EYS: variants seen among roughly 807,000 people sequenced by gnomAD.
EYS encodes protein eyes shut homolog.
In EYS, 250 loss-of-function variants were observed where a neutral mutation model predicts 282.1. That is an observed-to-expected ratio of 0.89 (90% CI 0.80 to 0.98). The LOEUF (loss-of-function observed/expected upper bound fraction) is 0.98, where lower values mean the gene tolerates loss of function less well. Among genes scored for constraint, EYS ranks in the 50% least tolerant of loss-of-function variants. EYS has a pLI of 0.00. For synonymous variants in EYS, 1,355 were observed against 1,282.9 expected, an observed-to-expected ratio of 1.06 and a Z score of -1.20; for missense variants, 4,016 against 3,709.0, an observed-to-expected ratio of 1.08 and a Z score of -2.15.
chr6:64,887,843 T>G (rs1421220991), intron 18 of EYS, among the ~76,000 whole-genome samples: 1 of 152,076 alleles, frequency 6.6e-6, no homozygotes, highest in Non-Finnish European at 1.5e-5. Context: ...AGACAGGTCC[T>G]GTTAAAGCAT....
chr6:63,954,823 A>G (rs1765745019), intron 35 of EYS, among the ~76,000 whole-genome samples: 1 of 151,966 alleles, frequency 6.6e-6, no homozygotes, highest in Admixed American at 6.6e-5. Context: ...TTCTGTTGTC[A>G]TTTCATAACC....
chr6:65,547,105 T>G (rs1195336573), intron 2 of EYS, among the ~76,000 whole-genome samples: 1 of 151,654 alleles, frequency 6.6e-6, no homozygotes, highest in African/African-American at 2.4e-5. Flanking sequence ...TCTGACAAAT[T>G]TTGCTGACTG....
intron 31 of EYS, among the ~76,000 whole-genome samples, chr6:64,198,053 C>A (rs887932611): frequency 6.6e-6 from 1 of 151,748 alleles, no homozygotes; most frequent in Admixed American, 6.6e-5. Flanking sequence ...AGTGCAGTGG[C>A]GTGATCTCGG....
intron 35 of EYS, among the ~76,000 whole-genome samples, chr6:63,936,761 A>G (rs1765070663): frequency 6.6e-6 from 1 of 152,238 alleles, no homozygotes; most frequent in Non-Finnish European, 1.5e-5. Context: ...ACAATCTACA[A>G]AAATATTCCT....
intron 22 of EYS, among the ~76,000 whole-genome samples, chr6:64,796,857 A>G (rs990462759): frequency 6.6e-6 from 1 of 152,160 alleles, no homozygotes; most frequent in African/African-American, 2.4e-5. Flanking sequence ...AAAACATATT[A>G]CTGAAGTTCA....
At position 64,590,616 on chromosome 6, in the gene EYS, G is replaced by C. The variant is rs1766374212; in HGVS notation, c.5251C>G (p.Gln1751Glu). Residue 1751 changes from glutamine to glutamate, a missense_variant, in exon 26 of 43, where the codon CAA becomes GAA. Gln to Glu is a conservative substitution (Grantham distance 29). Transcript: ENST00000503581. Reference sequence around the variant, plus strand: ...TTTAAAGTAACATCCGGATAAATTTGTAAGTTTAACTCAAAATCCAGAGAA... The same window carrying C: ...TTTAAAGTAACATCCGGATAAATTTCTAAGTTTAACTCAAAATCCAGAGAA... Reference protein sequence around the residue: ...DSSLDFELNLQIYPDVTLKTY... With the variant: ...DSSLDFELNLEIYPDVTLKTY... The C allele has an allele frequency of 1.3e-6, 2 of 1,551,256 alleles. No individual in the cohort carries two copies. The highest frequency in any genetic ancestry group is 1.4e-5 in the African/African-American group (1 of 73,130).
chr6:65,702,546 G>T (rs1769714757), intron 1 of EYS, among the ~76,000 whole-genome samples: 1 of 152,064 alleles, frequency 6.6e-6, no homozygotes, highest in South Asian at 2.1e-4. Context: ...ACAAAAATTA[G>T]CCAGGCGTGG....
chr6:65,685,499 T>G (rs2149840583), intron 1 of EYS, among the ~76,000 whole-genome samples: 1 of 152,178 alleles, frequency 6.6e-6, no homozygotes, highest in South Asian at 2.1e-4. Context: ...AGACTTAAGG[T>G]TCAGCAAAAA....
chr6:64,919,841 AT>A (rs1396653756), intron 15 of EYS, among the ~76,000 whole-genome samples: 1 of 152,146 alleles, frequency 6.6e-6, no homozygotes, highest in Non-Finnish European at 1.5e-5. Flanking sequence ...CTTTTTCAAG[AT>A]TCAGAATATT....
chr6:63,913,530 A>G (rs1056068760), intron 35 of EYS, among the ~76,000 whole-genome samples: 1 of 152,176 alleles, frequency 6.6e-6, no homozygotes, highest in African/African-American at 2.4e-5. Flanking sequence ...GCAACTACTC[A>G]TCTATTTTCT....
At chr6:64,596,408 C>G (rs62415833) in intron 24 of EYS, among the ~76,000 whole-genome samples, 15,355 of 152,120 alleles carry the variant, frequency 0.1, 928 homozygotes, top group East Asian at 0.17. Flanking sequence ...ATAGCCAAAG[C>G]AATCCTAAGT....
At chr6:65,494,353 C>T (rs974862752) in intron 4 of EYS, among the ~76,000 whole-genome samples, 3 of 152,042 alleles carry the variant, frequency 2.0e-5, no homozygotes, top group African/African-American at 7.2e-5. Flanking sequence ...TGTCGGCTCA[C>T]TGCAAGCTCC....
chr6:64,166,298 G>A (rs1005015436), intron 31 of EYS, among the ~76,000 whole-genome samples: 1 of 152,166 alleles, frequency 6.6e-6, no homozygotes, highest in East Asian at 1.9e-4. Context: ...TATTCCCATA[G>A]CTTGCAATTT....
intron 2 of EYS, among the ~76,000 whole-genome samples, chr6:65,512,088 T>C (rs904622279): frequency 1.3e-5 from 2 of 152,050 alleles, no homozygotes; most frequent in Admixed American, 6.6e-5. Flanking sequence ...CTCTAATAAG[T>C]TGATCACCTT....
At chr6:64,384,346 A>G (rs1314714943) in intron 29 of EYS, among the ~76,000 whole-genome samples, 1 of 152,164 alleles carries the variant, frequency 6.6e-6, no homozygotes, top group African/African-American at 2.4e-5. Flanking sequence ...TAATGTTTAC[A>G]TTTTTGGAGT....
chr6:64,759,015 T>C lies in EYS; in HGVS notation c.3443+54363A>G, dbSNP rs530357563. Among the ~76,000 whole-genome samples the C allele has an allele frequency of 3.9e-5, 6 of 152,242 alleles. No individual in the cohort carries two copies. In the South Asian group the frequency reaches 1.2e-3, roughly 32 times the overall value. ...TTAACCAGACGTGATGGCGGGCGCC[T>C]GTAGTCCCAGCTACTCGGGAGGCTG... On this transcript the variant is annotated intron_variant, in intron 22 of 42. Transcript: ENST00000503581.
At chr6:65,263,966 GA>G (rs1314624019) in intron 12 of EYS, among the ~76,000 whole-genome samples, 1 of 151,726 alleles carries the variant, frequency 6.6e-6, no homozygotes, top group Non-Finnish European at 1.5e-5. Context: ...AAGAGAATAG[GA>G]AAAAAGCCAG....
At chr6:65,381,037 C>G (rs1765590518) in intron 8 of EYS, among the ~76,000 whole-genome samples, 1 of 152,056 alleles carries the variant, frequency 6.6e-6, no homozygotes, top group Non-Finnish European at 1.5e-5. Context: ...ATTAGTTCAA[C>G]CATTGTGGAA....
At chr6:64,116,774 A>G (rs1457987790) in intron 31 of EYS, among the ~76,000 whole-genome samples, 1 of 152,094 alleles carries the variant, frequency 6.6e-6, no homozygotes, top group Non-Finnish European at 1.5e-5. Flanking sequence ...AGAGGTGTTT[A>G]TACTTATATC....
Sources: gnomAD v4.1 joint callset for allele counts (sites outside exome capture counted in the v4.1 genomes callset) on GRCh38, gnomAD v4.1.1 for gene constraint, MANE v1.5 for transcripts, NCBI Gene and HGNC (gene_info 2026-07-23, HGNC 2026-07-21) for gene names.